Variants in MAGI2 observed in about 807,000 individuals in gnomAD.
The protein encoded by MAGI2 is membrane associated guanylate kinase, WW and PDZ domain containing 2, also known as membrane-associated guanylate kinase, WW and PDZ domain-containing protein 2.
In MAGI2, 35 loss-of-function variants were observed where a neutral mutation model predicts 133.3. The observed-to-expected ratio is 0.26, with a 90% CI of 0.20 to 0.35. MAGI2 has a LOEUF of 0.35. Ranked by LOEUF, MAGI2 falls within the 10% of genes least tolerant of loss-of-function variation. The pLI, the probability that MAGI2 is intolerant of heterozygous loss-of-function variation, is 1.00. For synonymous variants in MAGI2, 729 were observed against 710.6 expected (o/e 1.03, Z -0.41); for missense variants, 1,636 against 1,863.4 (o/e 0.88, Z 2.25).
chr7:78,728,418 C>T (rs1463303187), intron 2 of MAGI2, among the ~76,000 whole-genome samples: 1 of 151,954 alleles, frequency 6.6e-6, no homozygotes, highest in Non-Finnish European at 1.5e-5. Context: ...CTCTATGGAA[C>T]TCAAATTCTA....
chr7:78,581,523 T>TGGG (rs1225344099), intron 3 of MAGI2, among the ~76,000 whole-genome samples: 4 of 152,302 alleles, frequency 2.6e-5, no homozygotes, highest in African/African-American at 9.6e-5. Flanking sequence ...TTAAGAGCAG[T>TGGG]AACTTCACAC....
At chr7:79,024,176 TC>T (rs1395718649) in intron 1 of MAGI2, among the ~76,000 whole-genome samples, 2 of 151,664 alleles carry the variant, frequency 1.3e-5, no homozygotes, top group East Asian at 3.9e-4. Context: ...TATGAATAAT[TC>T]CCCACACCTA....
At chr7:78,632,220 G>A (rs1033241475) in intron 2 of MAGI2, among the ~76,000 whole-genome samples, 4 of 152,042 alleles carry the variant, frequency 2.6e-5, no homozygotes, top group Admixed American at 1.3e-4. Flanking sequence ...ATTTTAATAG[G>A]GAGAGGCAGA....
At chr7:78,580,176 T>C (rs1433050435) in intron 3 of MAGI2, among the ~76,000 whole-genome samples, 2 of 152,222 alleles carry the variant, frequency 1.3e-5, no homozygotes, top group African/African-American at 4.8e-5. Flanking sequence ...GAAATTATTT[T>C]TCCCTTTGAA....
chr7:78,251,191 T>G (rs372545299), intron 10 of MAGI2, among the ~76,000 whole-genome samples: 1 of 152,160 alleles, frequency 6.6e-6, no homozygotes, highest in African/African-American at 2.4e-5. Flanking sequence ...ACCTATTGAT[T>G]ATTTAAATTT....
chr7:79,450,077 C>T (rs1849138478), intron 1 of MAGI2, among the ~76,000 whole-genome samples: 1 of 151,774 alleles, frequency 6.6e-6, no homozygotes, highest in Non-Finnish European at 1.5e-5. Flanking sequence ...CTTACCTTTT[C>T]TTTATAAAAT....
chr7:78,179,905 G>A (rs1364174123), intron 13 of MAGI2, among the ~76,000 whole-genome samples: 1 of 152,194 alleles, frequency 6.6e-6, no homozygotes, highest in Admixed American at 6.5e-5. Flanking sequence ...ATATTGGGGT[G>A]TGTGCTAAGC....
chr7:79,452,534 A>G (rs1849357670), intron 1 of MAGI2, among the ~76,000 whole-genome samples: 2 of 152,092 alleles, frequency 1.3e-5, no homozygotes, highest in South Asian at 4.1e-4. Context: ...CCCCCAGCCC[A>G]GCCCCAGAAA....
At chr7:78,080,846 C>T (rs1815881662) in intron 20 of MAGI2, among the ~76,000 whole-genome samples, 1 of 152,136 alleles carries the variant, frequency 6.6e-6, no homozygotes, top group Admixed American at 6.5e-5. Context: ...GGTCACGCTA[C>T]ACTCCTTGTT....
At chr7:78,629,772 G>A (rs754570697) in intron 2 of MAGI2, among the ~76,000 whole-genome samples, 14 of 151,920 alleles carry the variant, frequency 9.2e-5, no homozygotes, top group Non-Finnish European at 7.4e-5. Context: ...CTGCTTTGAC[G>A]TTTTGCAGAA....
intron 2 of MAGI2, among the ~76,000 whole-genome samples, chr7:78,898,665 G>A (rs1289379562): frequency 6.6e-6 from 1 of 152,134 alleles, no homozygotes; most frequent in Non-Finnish European, 1.5e-5. Context: ...GGATCAGGGT[G>A]GGAGGAGGGA....
intron 1 of MAGI2, among the ~76,000 whole-genome samples, chr7:79,235,094 G>T (rs1831772212): frequency 6.6e-6 from 1 of 151,654 alleles, no homozygotes; most frequent in East Asian, 1.9e-4. Context: ...GTGCCTCCCA[G>T]TTAGGCTGCT....
intron 3 of MAGI2, chr7:78,617,600 A>G (rs1807248550): frequency 6.6e-6 from 1 of 152,086 alleles, no homozygotes; most frequent in South Asian, 2.1e-4. Context: ...ATATTCTATA[A>G]CATGATTGCT....
Position 79,190,974 on chromosome 7 carries a change from C to T in MAGI2, c.302-183768G>A, listed in dbSNP as rs533866485. Reference sequence around the variant, plus strand: ...TTGAAAATACCAACGTAATCATACACTATATTTCCACATATATGTGGGCAA... The same window carrying T: ...TTGAAAATACCAACGTAATCATACATTATATTTCCACATATATGTGGGCAA... On this transcript the variant is annotated intron_variant, in intron 1 of 21. Coordinates refer to ENST00000354212, the MANE Select transcript of MAGI2 (RefSeq NM_012301.4). Among the ~76,000 whole-genome samples the T allele has an allele frequency of 1.8e-4, 27 of 151,896 alleles. No homozygotes were observed. In the South Asian group the frequency reaches 5.6e-3, roughly 31 times the overall value.
chr7:79,121,673 T>A (rs1226428335), intron 1 of MAGI2, among the ~76,000 whole-genome samples: 1 of 152,182 alleles, frequency 6.6e-6, no homozygotes, highest in Non-Finnish European at 1.5e-5. Flanking sequence ...AGGTTAAAGA[T>A]CTTGCAATAA....
At chr7:78,841,454 C>T (rs914784214) in intron 2 of MAGI2, among the ~76,000 whole-genome samples, 22 of 151,970 alleles carry the variant, frequency 1.4e-4, no homozygotes, top group African/African-American at 4.8e-4. Flanking sequence ...CCTCTATTTT[C>T]CCTCAGTCTG....
rs10672746 is a variant in MAGI2, at chr7:78,765,343, C to CTTTTTTT, written c.419-138111_419-138105dup. Among the ~76,000 whole-genome samples, 349 of 89,056 alleles carry CTTTTTTT rather than the reference C, an allele frequency of 3.9e-3. 31 individuals are homozygous for CTTTTTTT. Among genetic ancestry groups the CTTTTTTT allele is most frequent in the African/African-American group, 0.014 (305 of 21,452 alleles). The allele number at this position is 89,056 out of a possible 152,430, so 58.4% of individuals were successfully genotyped here. A position where few individuals can be genotyped will look rare whatever the true frequency, so the allele number is the denominator to read the frequency against. ...CATTTAACAAATGTTTAGTGCACATCTTTTTTTTTTTTTTTTTTTTTTGAG... is the reference window on the plus strand; with the variant it reads ...CATTTAACAAATGTTTAGTGCACATCTTTTTTTTTTTTTTTTTTTTTTTTTTTTTGAG... On this transcript the variant is annotated intron_variant, in intron 2 of 21. Transcript: ENST00000354212.
At chr7:79,093,324 G>A (rs1817228112) in intron 1 of MAGI2, among the ~76,000 whole-genome samples, 1 of 152,054 alleles carries the variant, frequency 6.6e-6, no homozygotes, top group South Asian at 2.1e-4. Flanking sequence ...CCAAAATAAA[G>A]AGTGAAATTC....
At chr7:78,672,420 A>G (rs959159835) in intron 2 of MAGI2, among the ~76,000 whole-genome samples, 17 of 152,182 alleles carry the variant, frequency 1.1e-4, no homozygotes, top group African/African-American at 4.1e-4. Context: ...AGCCAAAAAT[A>G]AATCTCTTTA....
Sources: allele counts gnomAD v4.1 joint callset (sites outside exome capture counted in the v4.1 genomes callset), GRCh38; gene constraint gnomAD v4.1.1; transcripts MANE v1.5; gene names NCBI Gene and HGNC (gene_info 2026-07-23, HGNC 2026-07-21).